CTSD: variants seen among roughly 807,000 people sequenced by gnomAD.
CTSD encodes ceroid-lipofuscinosis, neuronal 10.
In CTSD, 28 loss-of-function variants were observed where a neutral mutation model predicts 43.6. The ratio of observed to expected loss-of-function variants is 0.64; its 90% CI spans 0.48 to 0.88. The LOEUF (loss-of-function observed/expected upper bound fraction) is 0.88. Ranked by LOEUF, CTSD falls within the 40% of genes least tolerant of loss-of-function variation. The probability of loss-of-function intolerance (pLI) is 0.00; values close to 1 mark genes in which losing one functional copy is unlikely to be tolerated. For synonymous variants in CTSD, 270 were observed against 249.8 expected (o/e 1.08, Z -0.76); for missense variants, 485 against 555.2 (o/e 0.87, Z 1.27).
chr11:1,754,603 G>GGGATGGAGGGGATGGA lies in CTSD; in HGVS notation c.827+302_827+303insTCCATCCCCTCCATCC, dbSNP rs1845785578. Among the ~76,000 whole-genome samples the GGGATGGAGGGGATGGA allele has an allele frequency of 7.0e-5, 10 of 142,460 alleles. 1 individual carries two copies. In the South Asian group the frequency reaches 2.3e-3, roughly 33 times the overall value. The allele number at this position is 142,460 out of a possible 152,430, so 93.5% of individuals were successfully genotyped here. A position where few individuals can be genotyped will look rare whatever the true frequency, so the allele number is the denominator to read the frequency against. On this transcript the variant is annotated intron_variant, in intron 6 of 8. Transcript: ENST00000236671. ...GTCATGAAGAGTCACAGAGGGATGA[G>GGGATGGAGGGGATGGA]GGGATGGAGGGGATGGAGGGCATGG...
At chr11:1,754,410 T>TAGAGGGATG (rs1845772988) in intron 6 of CTSD, among the ~76,000 whole-genome samples, 1 of 60,290 alleles carries the variant, frequency 1.7e-5, no homozygotes, top group Non-Finnish European at 3.6e-5. Flanking sequence ...ATGGAGGGGA[T>TAGAGGGATG]GAAGGGATGG....
Position 1,754,039 on chromosome 11 carries a change from G to T in CTSD, c.927C>A (p.Arg309=). ...CGGCCCCGATGGCCTTCTGCAGCTC[G>T]CGCACCTCATCCACCGGGCCCACCA... The part of the protein sequence containing the change: ...SLMVGPVDEV[R]ELQKAIGAVP... Residue 309 remains arginine, a synonymous_variant, in exon 7 of 9, where the codon CGC becomes CGA. Coordinates refer to ENST00000236671, the MANE Select transcript of CTSD (RefSeq NM_001909.5). 6.2e-7 allele frequency: 1 copy of T among 1,610,102 alleles called. No individual in the cohort carries two copies. Among genetic ancestry groups the T allele is most frequent in the Non-Finnish European group, 8.5e-7 (1 of 1,179,136 alleles).
intron 5 of CTSD, 46 bp from the exon 6 acceptor site, chr11:1,755,074 A>G (rs1202187689): frequency 6.2e-7 from 1 of 1,612,178 alleles, no homozygotes; most frequent in Admixed American, 1.7e-5. Flanking sequence ...CCCCCCAAGC[A>G]CAAGAGTGCC....
Position 1,753,468 on chromosome 11 carries a change from T to A in CTSD, c.*35A>T. ...GGGGCCTCCTGCTCTGGGACTCTCC[T>A]CTGTTTCTGTGCTGGCGCGCGGACG... On this transcript the variant is annotated 3_prime_UTR_variant, in exon 9 of 9. Coordinates refer to ENST00000236671, the MANE Select transcript of CTSD (RefSeq NM_001909.5). 6.2e-7 allele frequency: 1 copy of A among 1,612,470 alleles called. No individual in the cohort carries two copies. Among genetic ancestry groups the A allele is most frequent in the Non-Finnish European group, 8.5e-7 (1 of 1,179,574 alleles).
intron 5 of CTSD, among the ~76,000 whole-genome samples, 192 bp downstream of exon 5, chr11:1,757,132 C>T (rs1213305173): frequency 6.6e-6 from 1 of 152,262 alleles, no homozygotes; most frequent in East Asian, 1.9e-4. Context: ...ACAGCTTTCT[C>T]TGTGCTGCCG....
Position 1,759,574 on chromosome 11 carries a change from C to T in CTSD, c.294G>A (p.Thr98=), listed in dbSNP as rs369373285. The change falls in exon 3 of 9, where the codon ACG becomes ACA. Residue 98 remains threonine (T), a synonymous_variant. Coordinates refer to ENST00000236671, the MANE Select transcript of CTSD (RefSeq NM_001909.5). The part of the protein sequence containing the change: ...PPQCFTVVFD[T]GSSNLWVPSI... ...AGGGGACCCACAGGTTGGAGGAGCC[C>T]GTGTCGAAGACGACTGTGAAGCACT... 296 of 1,613,402 alleles carry T rather than the reference C, an allele frequency of 1.8e-4. No homozygotes were observed. The highest frequency in any genetic ancestry group is 2.2e-4 in the Non-Finnish European group (261 of 1,179,982).
At chr11:1,755,401 A>C (rs985225096) in intron 5 of CTSD, 6 of 353,694 alleles carry the variant, frequency 1.7e-5, no homozygotes, top group East Asian at 7.2e-5. Flanking sequence ...AAACCAAAGA[A>C]GGCTTCCAGG....
At chr11:1,763,417 T>A (rs1474859625) in intron 1 of CTSD, 1 of 212,186 alleles carries the variant, frequency 4.7e-6, no homozygotes, top group Non-Finnish European at 9.4e-6. Flanking sequence ...AGGCCTGACC[T>A]AGGTCTCCAG....
intron 2 of CTSD, 158 bp downstream of exon 2, chr11:1,761,151 G>C (rs1369669066): frequency 1.3e-6 from 1 of 749,608 alleles, no homozygotes; most frequent in African/African-American, 1.7e-5. Flanking sequence ...TTCCAGAATG[G>C]GGAAGAAAGG....
chr11:1,756,664 G>C (rs922511886), intron 5 of CTSD, among the ~76,000 whole-genome samples: 8 of 145,734 alleles, frequency 5.5e-5, no homozygotes, highest in African/African-American at 1.8e-4. Flanking sequence ...GGTCTGCCCC[G>C]AGAAGAGGAA....
intron 1 of CTSD, among the ~76,000 whole-genome samples, chr11:1,762,821 G>GT (rs1845898634): frequency 6.6e-6 from 1 of 152,152 alleles, no homozygotes; most frequent in Non-Finnish European, 1.5e-5. Flanking sequence ...ACTTTAATTG[G>GT]GGCTACCCGC....
At chr11:1,763,141 C>T (rs1184501020) in intron 1 of CTSD, 1 of 152,518 alleles carries the variant, frequency 6.6e-6, no homozygotes, top group Non-Finnish European at 1.5e-5. Context: ...CATCCAGGCC[C>T]AATCGGTGGC....
intron 1 of CTSD, chr11:1,761,920 G>A (rs1022826675): frequency 3.6e-4 from 91 of 256,116 alleles, no homozygotes; most frequent in Non-Finnish European, 5.6e-4. Context: ...ACTGTACCCA[G>A]CCCCCATCAC....
chr11:1,757,726 G>A (rs1208320524), intron 4 of CTSD, among the ~76,000 whole-genome samples, 170 bp from the exon 5 acceptor site: 1 of 152,254 alleles, frequency 6.6e-6, no homozygotes, highest in East Asian at 1.9e-4. Context: ...GCTGGGGATG[G>A]GGACACGGGG....
chr11:1,753,078 G>A lies in CTSD; in HGVS notation c.*425C>T, dbSNP rs1211427438. ...CCCAAGCTGGGCAGAGGGGCCCTCA[G>A]GCAGGGCAGGTTTCCAAGGGAGGGC... On this transcript the variant is annotated 3_prime_UTR_variant, in exon 9 of 9. Transcript: ENST00000236671. 1 of 308,554 alleles carries A rather than the reference G, an allele frequency of 3.2e-6. No homozygotes were observed. Among genetic ancestry groups the A allele is most frequent in the Non-Finnish European group, 6.3e-6 (1 of 158,094 alleles). The allele number at this position is 308,554 out of a possible 1,614,324, so 19.1% of individuals were successfully genotyped here.
intron 4 of CTSD, 126 bp from the exon 5 acceptor site, chr11:1,757,682 AGAAGAAAG>A: frequency 2.5e-6 from 2 of 814,294 alleles, no homozygotes; most frequent in Non-Finnish European, 4.0e-6. Context: ...CAGAGGGCCC[AGAAGAAAG>A]GGCTGGAAAC....
In CTSD at chr11:1,757,510, T is replaced by G. The variant is rs746140722; in HGVS notation, c.518A>C (p.Lys173Thr). Reference sequence around the variant, plus strand: ...CTCCCCAAAGACCTGCCTCTCCACTTTGACACCGCCCAGGGCAGAGGCTGA... The same window carrying G: ...CTCCCCAAAGACCTGCCTCTCCACTGTGACACCGCCCAGGGCAGAGGCTGA... ...ASSASALGGV[K>T]VERQVFGEAT... The change falls in exon 5 of 9, where the codon AAA becomes ACA. Residue 173 changes from lysine to threonine, a missense_variant. By Grantham distance (78) the Lys-to-Thr change is moderately conservative. Transcript: ENST00000236671. 1.2e-6 allele frequency: 2 copies of G among 1,613,748 alleles called. No individual in the cohort carries two copies. Among genetic ancestry groups the G allele is most frequent in the East Asian group, 4.5e-5 (2 of 44,882 alleles).
Position 1,757,359 on chromosome 11 carries a change from C to T in CTSD, c.669G>A (p.Leu223=). ...AGAAGGAGAAGATGTTCTGGTCCAC[C>T]AGCTTCTGCTGCATCAGGTTGTCGA... ...PVFDNLMQQK[L]VDQNIFSFYL... Residue 223 remains leucine (L), a synonymous_variant, in exon 5 of 9, where the codon CTG becomes CTA. Transcript: ENST00000236671. 15 of 1,614,100 alleles carry T rather than the reference C, an allele frequency of 9.3e-6. No homozygotes were observed. The highest frequency in any genetic ancestry group is 2.2e-5 in the East Asian group (1 of 44,888).
chr11:1,754,760 G>C, intron 6 of CTSD, 146 bp downstream of exon 6: 3 of 1,008,850 alleles, frequency 3.0e-6, no homozygotes, highest in Non-Finnish European at 4.5e-6. Context: ...GGGGCATGGA[G>C]GGCTGGTCTG....
Sources: gnomAD v4.1 joint callset for allele counts (sites outside exome capture counted in the v4.1 genomes callset) on GRCh38, gnomAD v4.1.1 for gene constraint, MANE v1.5 for transcripts, NCBI Gene and HGNC (gene_info 2026-07-23, HGNC 2026-07-21) for gene names.